CDC14A: variants seen among roughly 807,000 people sequenced by gnomAD.
CDC14A encodes the protein dual specificity protein phosphatase CDC14A.
A neutral mutation model predicts 74.4 loss-of-function variants in CDC14A; 53 were observed. That is an observed-to-expected ratio of 0.71 (90% CI 0.57 to 0.89). CDC14A has a LOEUF of 0.89. Among genes scored for constraint, CDC14A ranks in the 40% least tolerant of loss-of-function variants. CDC14A has a pLI of 0.00. For synonymous variants in CDC14A, 247 were observed against 258.4 expected, an observed-to-expected ratio of 0.96 and a Z score of 0.43; for missense variants, 646 against 713.7, an observed-to-expected ratio of 0.91 and a Z score of 1.08.
At chr1:100,387,416 C>G (rs1327545196) in intron 3 of CDC14A, among the ~76,000 whole-genome samples, 5 of 152,134 alleles carry the variant, frequency 3.3e-5, no homozygotes, top group African/African-American at 1.2e-4. Context: ...CATTTCTTGG[C>G]TGGTGTGCTT....
At chr1:100,362,160 T>C (rs1652844940) in intron 2 of CDC14A, among the ~76,000 whole-genome samples, 1 of 152,198 alleles carries the variant, frequency 6.6e-6, no homozygotes, top group African/African-American at 2.4e-5. Flanking sequence ...TTGTCTTTTG[T>C]GATCTTTAAG....
intron 11 of CDC14A, among the ~76,000 whole-genome samples, chr1:100,492,867 T>C (rs1475587656): frequency 2.0e-5 from 3 of 149,770 alleles, no homozygotes; most frequent in African/African-American, 7.6e-5. Context: ...TGTGTGTATG[T>C]GTGTGTGTGT....
intron 15 of CDC14A, among the ~76,000 whole-genome samples, chr1:100,502,816 TCTC>T (rs1380685485): frequency 6.6e-6 from 1 of 152,314 alleles, no homozygotes; most frequent in African/African-American, 2.4e-5. Context: ...TCTTTTCACT[TCTC>T]CTCCTCCTCG....
rs539551796 is a variant in CDC14A, at chr1:100,508,074, T to G, written c.1755+8812T>G. Among the ~76,000 whole-genome samples, 1 of 152,198 alleles carries G rather than the reference T, an allele frequency of 6.6e-6. No homozygotes were observed. Among genetic ancestry groups the G allele is most frequent in the Non-Finnish European group, 1.5e-5 (1 of 68,034 alleles). On this transcript the variant is annotated intron_variant, in intron 15 of 15. Coordinates refer to ENST00000336454, the MANE Select transcript of CDC14A (RefSeq NM_003672.4). This position sits in a 1 kb window ranked among gnomAD's most constrained non-coding sequence, Gnocchi z 4.4. The stretch of plus-strand genomic sequence containing the variant: ...TTTCAGTTCCTAAGCTCTAGCTGTA[T>G]TCTGATTGAATTCCTCCTATTATTT...
chr1:100,481,499 T>C (rs925349753), intron 10 of CDC14A, among the ~76,000 whole-genome samples: 6 of 152,144 alleles, frequency 3.9e-5, no homozygotes, highest in Non-Finnish European at 8.8e-5. Context: ...ATTAGAGGAA[T>C]ATTAAAAGCA....
chr1:100,350,282 A>C (rs1190292322), upstream of CDC14A, among the ~76,000 whole-genome samples: 1 of 151,544 alleles, frequency 6.6e-6, no homozygotes, highest in Non-Finnish European at 1.5e-5. Flanking sequence ...AAGTAGAGGC[A>C]AGGTTTCGCC....
At chr1:100,442,297 A>C (rs1262867444) in intron 6 of CDC14A, among the ~76,000 whole-genome samples, 1 of 147,360 alleles carries the variant, frequency 6.8e-6, no homozygotes, top group Non-Finnish European at 1.5e-5. Flanking sequence ...TATTACATAT[A>C]TATTATGTAT....
At chr1:100,353,209 C>T (rs748970089) in intron 1 of CDC14A, among the ~76,000 whole-genome samples, 6 of 152,230 alleles carry the variant, frequency 3.9e-5, no homozygotes, top group Non-Finnish European at 7.3e-5. Context: ...CTGCAGCTCC[C>T]TCGGATGGCC....
At chr1:100,348,274 T>C (rs1255336856), upstream of CDC14A, among the ~76,000 whole-genome samples, 5 of 123,958 alleles carry the variant, frequency 4.0e-5, no homozygotes, top group African/African-American at 9.7e-5. Flanking sequence ...AGAGCAAGAC[T>C]CCATTTCAAA....
intron 6 of CDC14A, among the ~76,000 whole-genome samples, chr1:100,442,513 T>C (rs1041581944): frequency 1.7e-4 from 25 of 151,036 alleles, no homozygotes; most frequent in Non-Finnish European, 3.2e-4. Flanking sequence ...CTCCCTATGA[T>C]AAAAGGAAGA....
At chr1:100,445,897 A>C (rs983970912) in intron 7 of CDC14A, among the ~76,000 whole-genome samples, 3 of 152,170 alleles carry the variant, frequency 2.0e-5, no homozygotes, top group African/African-American at 7.2e-5. Flanking sequence ...GAAAACCACT[A>C]TTGTGATTGG....
At chr1:100,371,085 T>C (rs961633108) in intron 2 of CDC14A, among the ~76,000 whole-genome samples, 2 of 152,236 alleles carry the variant, frequency 1.3e-5, no homozygotes, top group Non-Finnish European at 2.9e-5. Flanking sequence ...ATTACATTTT[T>C]GATTTGGCTC....
chr1:100,505,407 G>A (rs1649146819), intron 15 of CDC14A, among the ~76,000 whole-genome samples: 1 of 152,188 alleles, frequency 6.6e-6, no homozygotes, highest in African/African-American at 2.4e-5. Context: ...CTAACATCAG[G>A]CAGAATACGT....
At chr1:100,482,224 CCTT>C (rs1345101332) in intron 10 of CDC14A, among the ~76,000 whole-genome samples, 2 of 152,014 alleles carry the variant, frequency 1.3e-5, no homozygotes, top group African/African-American at 4.8e-5. Flanking sequence ...CCTCTTATGT[CCTT>C]CTCCTCTGTT....
At chr1:100,346,618 C>T (rs944769633) in intron 1 of CDC14A, among the ~76,000 whole-genome samples, 2 of 140,824 alleles carry the variant, frequency 1.4e-5, no homozygotes, top group African/African-American at 5.4e-5. Flanking sequence ...GGTGACACAG[C>T]GAGACTCTGT....
Position 100,484,406 on chromosome 1 carries a change from T to C in CDC14A, c.1092T>C (p.Ile364=). 1 of 1,608,038 alleles carries C rather than the reference T, an allele frequency of 6.2e-7. No individual in the cohort carries two copies. The highest frequency in any genetic ancestry group is 8.5e-7 in the Non-Finnish European group (1 of 1,177,396). The change falls in exon 11 of 16, where the codon ATT becomes ATC. Residue 364 remains isoleucine (I), a synonymous_variant. Coordinates refer to ENST00000336454, the MANE Select transcript of CDC14A (RefSeq NM_003672.4). ...KILSGLDDMS[I]GGNLSKTQNM... is the part of the protein sequence containing the mutation. ...TTTCTGGCCTAGATGATATGTCTATTGGTGGAAATCTTTCAAAAACACAAA... is the reference window on the plus strand; with the variant it reads ...TTTCTGGCCTAGATGATATGTCTATCGGTGGAAATCTTTCAAAAACACAAA...
intron 10 of CDC14A, among the ~76,000 whole-genome samples, chr1:100,475,717 TA>T (rs1355906407): frequency 6.6e-6 from 1 of 152,142 alleles, no homozygotes; most frequent in East Asian, 1.9e-4. Flanking sequence ...GACACTGTGA[TA>T]GGGGTCACCT....
At chr1:100,420,427 A>G (rs897765793) in intron 4 of CDC14A, among the ~76,000 whole-genome samples, 9 of 152,050 alleles carry the variant, frequency 5.9e-5, no homozygotes, top group Non-Finnish European at 1.3e-4. Flanking sequence ...TAAAAAAATG[A>G]TTTAGAAGTA....
intron 10 of CDC14A, among the ~76,000 whole-genome samples, chr1:100,482,449 G>T (rs946561722): frequency 6.6e-6 from 1 of 152,008 alleles, no homozygotes; most frequent in Non-Finnish European, 1.5e-5. Flanking sequence ...AATACTCTTA[G>T]CTGGGTAAGT....
Sources: gnomAD v4.1 joint callset for allele counts (sites outside exome capture counted in the v4.1 genomes callset) on GRCh38, gnomAD v4.1.1 for gene constraint, Gnocchi (gnomAD v3.1) non-coding constraint, MANE v1.5 for transcripts, NCBI Gene and HGNC (gene_info 2026-07-23, HGNC 2026-07-21) for gene names.